Variants in RRAGB observed in about 807,000 individuals in gnomAD.
RRAGB encodes the protein ras-related GTP-binding protein B.
RRAGB carries 6 observed loss-of-function variants against 29.3 expected under a neutral mutation model. The observed-to-expected ratio is 0.21, with a 90% confidence interval of 0.11 to 0.40. The LOEUF (loss-of-function observed/expected upper bound fraction) is 0.40. Among genes scored for constraint, RRAGB ranks in the 10% least tolerant of loss-of-function variants. The pLI, the probability that RRAGB is intolerant of heterozygous loss-of-function variation, is 1.00. For synonymous variants in RRAGB, 101 were observed against 92.5 expected, an observed-to-expected ratio of 1.09 and a Z score of -0.53; for missense variants, 184 against 272.9, an observed-to-expected ratio of 0.67 and a Z score of 2.29.
At chrX:55,742,318 T>G (rs1372521486) in intron 5 of RRAGB, among the ~76,000 whole-genome samples, 1 of 112,618 alleles carries the variant, frequency 8.9e-6, no homozygotes, top group African/African-American at 3.2e-5. Flanking sequence ...CCCACAGCAC[T>G]CACCTCAGCT....
chrX:55,745,546 ATCTT>A (rs1296415213), intron 5 of RRAGB, among the ~76,000 whole-genome samples: 1 of 112,656 alleles, frequency 8.9e-6, no homozygotes, highest in Non-Finnish European at 1.9e-5. Context: ...TCCAGGAGCC[ATCTT>A]TCTTCTACAC....
intron 5 of RRAGB, among the ~76,000 whole-genome samples, chrX:55,739,962 A>C (rs2033998044): frequency 8.9e-6 from 1 of 112,617 alleles, no homozygotes; most frequent in Admixed American, 9.3e-5. Context: ...TGTACTTAGA[A>C]GTTTTAAGGT....
chrX:55,733,215 G>T (rs2033744439), intron 5 of RRAGB, among the ~76,000 whole-genome samples: 1 of 111,818 alleles, frequency 8.9e-6, no homozygotes, highest in Non-Finnish European at 1.9e-5. Flanking sequence ...GCGAGAATGT[G>T]CAGTATTGGG....
chrX:55,734,979 G>A (rs2033818511), intron 5 of RRAGB, among the ~76,000 whole-genome samples: 1 of 112,251 alleles, frequency 8.9e-6, no homozygotes, highest in Non-Finnish European at 1.9e-5. Context: ...GCTTTGGGCT[G>A]ATTTGATACT....
At position 55,718,422 on chromosome X, in the gene RRAGB, G is replaced by A. The variant is rs763810949; in HGVS notation, c.92+3G>A. The A allele has an allele frequency of 1.1e-5, 13 of 1,156,218 alleles. No individual in the cohort carries two copies. The highest frequency in any genetic ancestry group is 1.4e-5 in the Non-Finnish European group (12 of 854,687). On this transcript the variant is annotated splice_donor_region_variant and intron_variant, in intron 1 of 9. Coordinates refer to ENST00000374941, the MANE Select transcript of RRAGB (RefSeq NM_006064.5). ...GGGGAACCGGAAGGATCGCTTGGGT[G>A]GGTGAAGGGTATTTGTGAAACCTGG...
chrX:55,748,947 C>T (rs1328805157), intron 5 of RRAGB, among the ~76,000 whole-genome samples: 1 of 96,020 alleles, frequency 1.0e-5, no homozygotes, highest in African/African-American at 3.9e-5. Context: ...GCTGCCCCGT[C>T]CGGGAGGGAG....
chrX:55,744,486 C>T lies in RRAGB; in HGVS notation c.517-6615C>T, dbSNP rs375866715. Reference sequence around the variant, plus strand: ...TACTTGAGCCTGATCTCATATATACCGCTTTAATTTGGTGATGGAGTCCTA... The same window carrying T: ...TACTTGAGCCTGATCTCATATATACTGCTTTAATTTGGTGATGGAGTCCTA... On this transcript the variant is annotated intron_variant, in intron 5 of 9. Transcript: ENST00000374941. Among the ~76,000 whole-genome samples, 8 of 108,713 alleles carry T rather than the reference C, an allele frequency of 7.4e-5. No homozygotes were observed. In the South Asian group the frequency reaches 1.2e-3, roughly 17 times the overall value. 94.4% of individuals were successfully genotyped at this position (108,713 alleles called of 115,157 possible).
At chrX:55,735,128 G>C (rs774830052) in intron 5 of RRAGB, among the ~76,000 whole-genome samples, 3 of 112,040 alleles carry the variant, frequency 2.7e-5, no homozygotes, top group African/African-American at 3.2e-5. Context: ...GTAAATGTCT[G>C]TTAAATCCAC....
At chrX:55,722,132 A>G in intron 2 of RRAGB, 54 bp from the exon 3 acceptor site, 1 of 730,730 alleles carries the variant, frequency 1.4e-6, no homozygotes. Context: ...TTTAGACTTG[A>G]TTTGCTCTAG....
At chrX:55,721,482 A>T (rs762610530) in intron 2 of RRAGB, among the ~76,000 whole-genome samples, 1 of 111,969 alleles carries the variant, frequency 8.9e-6, no homozygotes, top group African/African-American at 3.2e-5. Flanking sequence ...TGCGTGAAAC[A>T]ATGGCACAGA....
At chrX:55,725,204 CTT>C (rs2033434250) in intron 3 of RRAGB, among the ~76,000 whole-genome samples, 1 of 112,109 alleles carries the variant, frequency 8.9e-6, no homozygotes, top group African/African-American at 3.2e-5. Flanking sequence ...TTTTCTGAAA[CTT>C]TTTATGTAGC....
chrX:55,757,243 G>A lies in RRAGB; in HGVS notation c.855G>A (p.Met285Ile). The change falls in exon 9 of 10, where the codon ATG becomes ATA. Residue 285 changes from methionine to isoleucine, a missense_variant. By Grantham distance (10) the Met-to-Ile change is conservative (BLOSUM62 1). Coordinates refer to ENST00000374941, the MANE Select transcript of RRAGB (RefSeq NM_006064.5). Reference sequence around the variant, plus strand: ...AGCTGGCTGCCTCTTTCCAGAGTATGGAAGTCAGGAACTCTAACTTCGCTG... The same window carrying A: ...AGCTGGCTGCCTCTTTCCAGAGTATAGAAGTCAGGAACTCTAACTTCGCTG... ...CSKLAASFQS[M>I]EVRNSNFAAF... 1 of 1,190,660 alleles carries A rather than the reference G, an allele frequency of 8.4e-7. No individual in the cohort carries two copies. Among genetic ancestry groups the A allele is most frequent in the Non-Finnish European group, 1.1e-6 (1 of 879,211 alleles).
At chrX:55,720,877 C>CA (rs751105955) in intron 2 of RRAGB, among the ~76,000 whole-genome samples, 1 of 107,289 alleles carries the variant, frequency 9.3e-6, no homozygotes, top group African/African-American at 3.4e-5. Context: ...GACTTGGTCT[C>CA]AAAAAAAATA....
At chrX:55,736,253 A>G (rs746248690) in intron 5 of RRAGB, among the ~76,000 whole-genome samples, 4 of 111,759 alleles carry the variant, frequency 3.6e-5, no homozygotes, top group East Asian at 2.8e-4. Flanking sequence ...TTAGATTTGG[A>G]TGTTTTATAC....
chrX:55,746,341 C>T (rs998644452), intron 5 of RRAGB, among the ~76,000 whole-genome samples: 1 of 111,940 alleles, frequency 8.9e-6, no homozygotes, highest in Non-Finnish European at 1.9e-5. Context: ...TAGGTCTCTA[C>T]GAGTCAGACT....
intron 7 of RRAGB, among the ~76,000 whole-genome samples, chrX:55,754,128 A>G (rs982813259): frequency 3.5e-5 from 4 of 112,793 alleles, no homozygotes; most frequent in African/African-American, 1.3e-4. Context: ...GACTTTTATT[A>G]TGAAATGTGG....
chrX:55,750,180 ACGTATGTG>A (rs1451940682), intron 5 of RRAGB, among the ~76,000 whole-genome samples: 1 of 61,685 alleles, frequency 1.6e-5, no homozygotes, highest in Non-Finnish European at 3.6e-5. Context: ...ATACATACAT[ACGTATGTG>A]TGTGTGTGTG....
chrX:55,747,600 G>T (rs1383526457), intron 5 of RRAGB, among the ~76,000 whole-genome samples: 1 of 111,813 alleles, frequency 8.9e-6, no homozygotes. Flanking sequence ...TCGAAATTAT[G>T]TATGTGGTCA....
At chrX:55,719,470 C>G in intron 2 of RRAGB, 123 bp downstream of exon 2, 1 of 446,362 alleles carries the variant, frequency 2.2e-6, no homozygotes, top group Non-Finnish European at 3.6e-6. Context: ...TGTGGTCTGT[C>G]TGACTCTCTT....
Sources: allele counts gnomAD v4.1 joint callset (sites outside exome capture counted in the v4.1 genomes callset), GRCh38; gene constraint gnomAD v4.1.1; transcripts MANE v1.5; gene names NCBI Gene and HGNC (gene_info 2026-07-23, HGNC 2026-07-21).